The following ALCAM variants were observed in gnomAD, a reference collection of about 807,000 sequenced individuals.
ALCAM encodes activated leukocyte cell adhesion molecule, also known as CD166 antigen.
ALCAM carries 30 observed loss-of-function variants against 70.9 expected under a neutral mutation model. The ratio of observed to expected loss-of-function variants is 0.42; its 90% CI spans 0.32 to 0.57. The LOEUF is 0.57. ALCAM is among the 20% of genes least tolerant of loss of function. The pLI, the probability that ALCAM is intolerant of heterozygous loss-of-function variation, is 0.11. For synonymous variants in ALCAM, 249 were observed against 242.5 expected (o/e 1.03, Z -0.25); for missense variants, 591 against 695.1 (o/e 0.85, Z 1.68).
intron 1 of ALCAM, among the ~76,000 whole-genome samples, chr3:105,398,296 A>AT (rs1316182707): frequency 1.3e-5 from 2 of 151,224 alleles, no homozygotes; most frequent in African/African-American, 4.9e-5. Context: ...CCCCTCTTTC[A>AT]TTTTTTTTCA....
chr3:105,426,856 T>C (rs895424945), intron 1 of ALCAM, among the ~76,000 whole-genome samples: 4 of 151,918 alleles, frequency 2.6e-5, no homozygotes, highest in Admixed American at 6.6e-5. Context: ...AAAGGAATCA[T>C]AGGAAACAAT....
intron 14 of ALCAM, among the ~76,000 whole-genome samples, chr3:105,554,388 T>C (rs1179824571): frequency 6.6e-6 from 1 of 151,854 alleles, no homozygotes. Flanking sequence ...CCTTTTTTGT[T>C]CCATTCATAT....
chr3:105,524,347 T>C lies in ALCAM; in HGVS notation c.233T>C (p.Val78Ala), dbSNP rs769133849. Reference protein sequence around the residue: ...IAFRSSTKKSVQYDDVPEYKD... With the variant: ...IAFRSSTKKSAQYDDVPEYKD... The stretch of plus-strand genomic sequence containing the variant: ...TTCAGATCCTCTACAAAGAAAAGTG[T>C]GCAGTACGACGATGTACCAGAATAC... The change falls in exon 3 of 16, where the codon GTG (valine) becomes GCG (alanine). Residue 78 changes from valine (V) to alanine (A), a missense_variant. This residue lies in a region of ALCAM where 427 missense variants were observed against 450.4 expected (regional missense o/e 0.95). Coordinates refer to ENST00000306107, the MANE Select transcript of ALCAM (RefSeq NM_001627.4). The C allele has an allele frequency of 9.3e-6, 15 of 1,614,148 alleles. No individual in the cohort carries two copies. The South Asian group carries it at 9.9e-5, about 11-fold the overall frequency.
At chr3:105,373,307 T>C (rs1299552525) in intron 1 of ALCAM, among the ~76,000 whole-genome samples, 1 of 152,110 alleles carries the variant, frequency 6.6e-6, no homozygotes, top group Admixed American at 6.5e-5. Context: ...AAAAAAGACT[T>C]TATTTTTGAT....
intron 1 of ALCAM, among the ~76,000 whole-genome samples, chr3:105,438,750 C>T (rs921865741): frequency 6.6e-6 from 1 of 152,088 alleles, no homozygotes; most frequent in African/African-American, 2.4e-5. Context: ...TGTGGTGGCT[C>T]ACACCTGTAA....
chr3:105,476,240 C>G (rs1559804365), intron 1 of ALCAM, among the ~76,000 whole-genome samples: 1 of 152,050 alleles, frequency 6.6e-6, no homozygotes, highest in Non-Finnish European at 1.5e-5. Context: ...ACTCATCTAC[C>G]TACACTTCCA....
rs1028825774 is a variant in ALCAM at position 105,534,722 on chromosome 3, T to G, written c.607T>G (p.Ser203Ala). ...DPVTQLYTMT[S>A]TLEYKTTKAD... ...AGTGACTCAGCTCTATACCATGACT[T>G]CCACCCTGGAGTACAAGACAACCAA... Residue 203 changes from serine to alanine, a missense_variant, in exon 6 of 16, where the codon TCC (serine) becomes GCC (alanine). Transcript: ENST00000306107. 2 of 1,613,678 alleles carry G rather than the reference T, an allele frequency of 1.2e-6. No homozygotes were observed. The highest frequency in any genetic ancestry group is 1.7e-5 in the Admixed American group (1 of 59,958).
At chr3:105,423,964 T>C (rs1576154009) in intron 1 of ALCAM, among the ~76,000 whole-genome samples, 1 of 151,636 alleles carries the variant, frequency 6.6e-6, no homozygotes, top group Non-Finnish European at 1.5e-5. Context: ...TAATGTATAT[T>C]TTCATTAACA....
intron 1 of ALCAM, 46 bp downstream of exon 1, chr3:105,367,527 G>A: frequency 1.2e-6 from 2 of 1,608,336 alleles, no homozygotes; most frequent in East Asian, 2.2e-5. Flanking sequence ...TGGGCCTGGA[G>A]CAGTTTCCTA....
intron 14 of ALCAM, among the ~76,000 whole-genome samples, chr3:105,570,162 G>T (rs1370295055): frequency 1.3e-5 from 2 of 152,052 alleles, no homozygotes; most frequent in African/African-American, 4.8e-5. Context: ...CAATAATCTA[G>T]AGAAAAAGTA....
intron 1 of ALCAM, among the ~76,000 whole-genome samples, chr3:105,425,102 G>T (rs943262379): frequency 6.6e-6 from 1 of 151,824 alleles, no homozygotes; most frequent in Non-Finnish European, 1.5e-5. Context: ...AGGGCTCAAA[G>T]ATGCCTCAGG....
intron 1 of ALCAM, among the ~76,000 whole-genome samples, chr3:105,504,598 G>C (rs1013711861): frequency 6.6e-6 from 1 of 152,198 alleles, no homozygotes; most frequent in Non-Finnish European, 1.5e-5. Context: ...GCTGGTGCCT[G>C]TCAATACATA....
At chr3:105,480,351 C>CAAAA (rs1938236888) in intron 1 of ALCAM, among the ~76,000 whole-genome samples, 2 of 150,118 alleles carry the variant, frequency 1.3e-5, no homozygotes, top group South Asian at 4.2e-4. Flanking sequence ...GATGTTGTCT[C>CAAAA]AATAAATAAA....
At chr3:105,511,769 A>C (rs1431793744) in intron 1 of ALCAM, among the ~76,000 whole-genome samples, 1 of 152,020 alleles carries the variant, frequency 6.6e-6, no homozygotes, top group Non-Finnish European at 1.5e-5. Flanking sequence ...ATTTCAACTG[A>C]TATAAACATT....
intron 1 of ALCAM, among the ~76,000 whole-genome samples, chr3:105,430,807 A>G (rs1450020200): frequency 6.6e-6 from 1 of 152,128 alleles, no homozygotes; most frequent in Non-Finnish European, 1.5e-5. Flanking sequence ...TATGCTCTGC[A>G]TGAGAGACTT....
At chr3:105,524,937 T>TA (rs977799120) in intron 3 of ALCAM, 5 of 985,772 alleles carry the variant, frequency 5.1e-6, no homozygotes, top group Middle Eastern at 5.2e-4. Flanking sequence ...TGCTGCATAA[T>TA]AAAAAAATAT....
chr3:105,421,397 C>G (rs1170367411), intron 1 of ALCAM, among the ~76,000 whole-genome samples: 1 of 151,310 alleles, frequency 6.6e-6, no homozygotes, highest in Non-Finnish European at 1.5e-5. Context: ...CTGATAATAC[C>G]AAATTTCAAT....
At chr3:105,460,811 A>G (rs1168904252) in intron 1 of ALCAM, among the ~76,000 whole-genome samples, 1 of 152,014 alleles carries the variant, frequency 6.6e-6, no homozygotes, top group Non-Finnish European at 1.5e-5. Context: ...TGGTGAAGAT[A>G]AGAATTAAAG....
intron 1 of ALCAM, among the ~76,000 whole-genome samples, chr3:105,452,300 T>A (rs566931785): frequency 6.6e-6 from 1 of 152,102 alleles, no homozygotes; most frequent in Non-Finnish European, 1.5e-5. Flanking sequence ...CTCCCACTTA[T>A]GAGTGAGAGT....
Sources: gnomAD v4.1 joint callset for allele counts (sites outside exome capture counted in the v4.1 genomes callset) on GRCh38, gnomAD v4.1.1 for gene constraint, gnomAD v4.1.1 regional missense constraint, MANE v1.5 for transcripts, NCBI Gene and HGNC (gene_info 2026-07-23, HGNC 2026-07-21) for gene names.